The following SRRM4 variants were observed in gnomAD, a reference collection of about 807,000 sequenced individuals.
The protein encoded by SRRM4 is serine/arginine repetitive matrix protein 4.
SRRM4 carries 33 observed loss-of-function variants against 68.9 expected under a neutral mutation model. The ratio of observed to expected loss-of-function variants is 0.48; its 90% CI spans 0.36 to 0.64. The LOEUF (loss-of-function observed/expected upper bound fraction) is 0.64, where lower values mean the gene tolerates loss of function less well. SRRM4 is among the 30% of genes least tolerant of loss of function. SRRM4 has a pLI of 0.00. For synonymous variants in SRRM4, 318 were observed against 318.8 expected (o/e 1.00, Z 0.03); for missense variants, 817 against 827.1 (o/e 0.99, Z 0.15).
At chr12:119,129,340 G>A (rs1479015146) in intron 7 of SRRM4, among the ~76,000 whole-genome samples, 2 of 152,238 alleles carry the variant, frequency 1.3e-5, no homozygotes, top group African/African-American at 4.8e-5. Flanking sequence ...TTTCTAAGAA[G>A]TCAGACATGC....
chr12:119,067,478 G>C (rs1038465872), intron 1 of SRRM4, among the ~76,000 whole-genome samples: 2 of 152,224 alleles, frequency 1.3e-5, no homozygotes, highest in South Asian at 2.1e-4. Context: ...AGGCCAAGGC[G>C]GGCAGATTAC....
chr12:119,030,823 CT>C (rs1387302768), intron 1 of SRRM4, among the ~76,000 whole-genome samples: 1 of 152,096 alleles, frequency 6.6e-6, no homozygotes, highest in African/African-American at 2.4e-5. Flanking sequence ...CTTTTTTAAC[CT>C]GCAAAAATGA....
At chr12:119,121,169 C>T (rs538128368) in intron 5 of SRRM4, among the ~76,000 whole-genome samples, 1 of 152,178 alleles carries the variant, frequency 6.6e-6, no homozygotes, top group African/African-American at 2.4e-5. Flanking sequence ...GATCTGTCAG[C>T]AAGGTCCTGG....
At chr12:119,019,940 T>TC (rs1049931690) in intron 1 of SRRM4, among the ~76,000 whole-genome samples, 2 of 80,226 alleles carry the variant, frequency 2.5e-5, no homozygotes, top group African/African-American at 9.2e-5. Flanking sequence ...TCTGGACAGT[T>TC]CCCCCCGCTC....
chr12:119,014,204 C>G (rs182420055), intron 1 of SRRM4, among the ~76,000 whole-genome samples: 2 of 151,676 alleles, frequency 1.3e-5, no homozygotes, highest in Non-Finnish European at 2.9e-5. Flanking sequence ...TTTGATTATT[C>G]TTTTTTTTAA....
At chr12:118,990,255 G>A (rs1953308008) in intron 1 of SRRM4, among the ~76,000 whole-genome samples, 1 of 152,128 alleles carries the variant, frequency 6.6e-6, no homozygotes, top group East Asian at 1.9e-4. Flanking sequence ...CTTTGCAGAG[G>A]AGGAAAAAAT....
At chr12:119,055,305 G>T (rs1953769594) in intron 1 of SRRM4, among the ~76,000 whole-genome samples, 1 of 151,980 alleles carries the variant, frequency 6.6e-6, no homozygotes, top group African/African-American at 2.4e-5. Flanking sequence ...TTGCTACATG[G>T]GGCCAGTAAC....
chr12:119,145,794 T>C, intron 9 of SRRM4, 109 bp downstream of exon 9: 1 of 1,028,568 alleles, frequency 9.7e-7, no homozygotes, highest in Non-Finnish European at 1.3e-6. Flanking sequence ...ATTTTATTTG[T>C]AAGAGAGATG....
chr12:119,028,224 G>A (rs1332092446), intron 1 of SRRM4, among the ~76,000 whole-genome samples: 1 of 152,190 alleles, frequency 6.6e-6, no homozygotes, highest in African/African-American at 2.4e-5. Context: ...TGAAGGAAGG[G>A]TGACTACCCC....
chr12:119,042,670 A>G (rs1052445798), intron 1 of SRRM4, among the ~76,000 whole-genome samples: 11 of 151,724 alleles, frequency 7.3e-5, no homozygotes, highest in African/African-American at 2.7e-4. Flanking sequence ...GGAGAAGAGG[A>G]AAGAAGGGCA....
At chr12:119,092,465 A>T (rs1055023163) in intron 1 of SRRM4, among the ~76,000 whole-genome samples, 8 of 149,328 alleles carry the variant, frequency 5.4e-5, no homozygotes. Context: ...TCCCCATCTC[A>T]GTTGTTCCAG....
chr12:119,115,208 A>G (rs145359936), intron 3 of SRRM4, among the ~76,000 whole-genome samples: 23 of 152,232 alleles, frequency 1.5e-4, no homozygotes, highest in African/African-American at 5.3e-4. Flanking sequence ...CTAGTTCAAT[A>G]TCTAGGATAA....
chr12:119,103,694 G>T (rs1169111210), intron 2 of SRRM4, among the ~76,000 whole-genome samples: 4 of 152,178 alleles, frequency 2.6e-5, no homozygotes, highest in Non-Finnish European at 5.9e-5. Context: ...TGAGAAGGAA[G>T]GGAATTTCCC....
intron 1 of SRRM4, among the ~76,000 whole-genome samples, chr12:119,003,212 A>T (rs1427664990): frequency 6.6e-6 from 1 of 151,722 alleles, no homozygotes; most frequent in Non-Finnish European, 1.5e-5. Flanking sequence ...ATGTTCGAAG[A>T]CCAGGGGCAA....
chr12:119,026,759 C>A (rs1044352409), intron 1 of SRRM4, among the ~76,000 whole-genome samples: 13 of 151,898 alleles, frequency 8.6e-5, no homozygotes, highest in Non-Finnish European at 1.5e-5. Context: ...AGAGGTTAGC[C>A]AGGCTGACCT....
intron 3 of SRRM4, among the ~76,000 whole-genome samples, chr12:119,116,556 C>T (rs1443437073): frequency 6.6e-6 from 1 of 152,120 alleles, no homozygotes; most frequent in African/African-American, 2.4e-5. Flanking sequence ...GGGATCCCAG[C>T]TCATCTACTT....
chr12:119,129,213 G>A (rs1315014652), intron 7 of SRRM4, among the ~76,000 whole-genome samples: 1 of 135,420 alleles, frequency 7.4e-6, no homozygotes, highest in Non-Finnish European at 1.6e-5. Flanking sequence ...AAGTTGTAGG[G>A]AAAACTGTGA....
At chr12:119,036,260 G>A (rs1048845751) in intron 1 of SRRM4, among the ~76,000 whole-genome samples, 3 of 152,118 alleles carry the variant, frequency 2.0e-5, no homozygotes, top group South Asian at 2.1e-4. Flanking sequence ...CATTGCCTCC[G>A]CTTTGCTTTC....
At chr12:119,028,608 G>A (rs1008725681) in intron 1 of SRRM4, among the ~76,000 whole-genome samples, 1 of 152,130 alleles carries the variant, frequency 6.6e-6, no homozygotes, top group African/African-American at 2.4e-5. Context: ...TTTATCAGCA[G>A]CATGAAAATG....
Sources: gnomAD v4.1 joint callset for allele counts (sites outside exome capture counted in the v4.1 genomes callset) on GRCh38, gnomAD v4.1.1 for gene constraint, MANE v1.5 for transcripts, NCBI Gene and HGNC (gene_info 2026-07-23, HGNC 2026-07-21) for gene names.